The following MYH16 variants were observed in gnomAD, a reference collection of about 807,000 sequenced individuals.
MYH16 encodes the protein myosin heavy chain 16.
At chr7:99,252,312 A>C (rs901908049) in intron 6 of MYH16, 1 of 152,388 alleles carries the variant, frequency 6.6e-6, no homozygotes. Context: ...CGGGCTTCCC[A>C]TTGGCAGAGC....
chr7:99,304,156 T>C (rs1410925045), intron 39 of MYH16, among the ~76,000 whole-genome samples: 1 of 152,176 alleles, frequency 6.6e-6, no homozygotes, highest in Non-Finnish European at 1.5e-5. Flanking sequence ...CGGCCCACGG[T>C]AGACCCTCAT....
intron 16 of MYH16, chr7:99,265,202 G>A (rs1791974611): frequency 6.6e-6 from 1 of 152,616 alleles, no homozygotes; most frequent in Non-Finnish European, 1.5e-5. Context: ...ATGTTGTGGG[G>A]TCACGGCTCC....
At position 99,287,890 on chromosome 7, in the gene MYH16, A is replaced by G. The variant is rs1322024504; in HGVS notation, n.3461-2A>G. ...TGCTAAGCTGCTCCTCCTCTACCCC[A>G]GATCGAGCAGAACCGCAAGCGGGAG... On this transcript the variant is annotated splice_acceptor_variant and non_coding_transcript_variant, in intron 28 of 41. Transcript: ENST00000439784. The G allele has an allele frequency of 2.2e-6, 1 of 455,040 alleles. No homozygotes were observed. Among genetic ancestry groups the G allele is most frequent in the East Asian group, 7.0e-5 (1 of 14,388 alleles). The allele number at this position is 455,040 out of a possible 1,614,324, so 28.2% of individuals were successfully genotyped here.
At chr7:99,266,185 G>A (rs1584345427) in intron 17 of MYH16, among the ~76,000 whole-genome samples, 1 of 152,132 alleles carries the variant, frequency 6.6e-6, no homozygotes, top group Non-Finnish European at 1.5e-5. Flanking sequence ...CTCCCACTGT[G>A]GCTCCCAGTG....
intron 29 of MYH16, 55 bp downstream of exon 10, chr7:99,288,192 C>T: frequency 1.1e-5 from 5 of 444,974 alleles, no homozygotes; most frequent in Non-Finnish European, 2.3e-5. Flanking sequence ...AATCCCAGCA[C>T]TTTGGGAGGC....
chr7:99,269,985 T>C (rs1792028962), intron 18 of MYH16, among the ~76,000 whole-genome samples: 1 of 150,242 alleles, frequency 6.7e-6, no homozygotes, highest in Non-Finnish European at 1.5e-5. Context: ...GCGATTCTCC[T>C]GCCTCAGCCT....
chr7:99,252,303 G>A (rs925668711), intron 6 of MYH16: 6 of 152,400 alleles, frequency 3.9e-5, no homozygotes, highest in East Asian at 3.9e-4. Context: ...CCCGGGTCTC[G>A]GGCTTCCCAT....
intron 2 of MYH16, among the ~76,000 whole-genome samples, chr7:99,246,487 A>T (rs1373726396): frequency 6.6e-6 from 1 of 152,156 alleles, no homozygotes; most frequent in Non-Finnish European, 1.5e-5. Context: ...GGATCCCTTG[A>T]GGTCAGGAGT....
In MYH16 at chr7:99,246,523, G is replaced by A. The variant is rs113001894; in HGVS notation, n.355-1071G>A. On this transcript the variant is annotated intron_variant and non_coding_transcript_variant, in intron 2 of 41. Transcript: ENST00000439784. ...TTGTGACCAGCCTGGCCAATATGGC[G>A]AAACCCCATCTCTACTAAAAATACA... Among the ~76,000 whole-genome samples, 957 of 152,228 alleles carry A rather than the reference G, an allele frequency of 6.3e-3. 13 individuals carry two copies. The highest frequency in any genetic ancestry group is 0.022 in the African/African-American group (920 of 41,534).
chr7:99,284,828 C>G lies in MYH16; in HGVS notation n.3226-17C>G, dbSNP rs1377749229. ...CCCTCAGAGCCTTTCCTCAGGAGAC[C>G]AACCCTTCCCTTGCAGGAGGGATTT... On this transcript the variant is annotated splice_polypyrimidine_tract_variant and intron_variant and non_coding_transcript_variant, in intron 25 of 41. Coordinates refer to ENST00000439784, the Ensembl canonical transcript of MYH16. 1 of 456,478 alleles carries G rather than the reference C, an allele frequency of 2.2e-6. No homozygotes were observed. The highest frequency in any genetic ancestry group is 4.4e-6 in the Non-Finnish European group (1 of 226,956). 28.3% of individuals were successfully genotyped at this position (456,478 alleles called of 1,614,324 possible). A position where few individuals can be genotyped will look rare whatever the true frequency, so the allele number is the denominator to read the frequency against.
At chr7:99,297,263 C>A (rs571844042) in intron 34 of MYH16, among the ~76,000 whole-genome samples, 6 of 151,980 alleles carry the variant, frequency 3.9e-5, no homozygotes, top group Admixed American at 2.0e-4. Flanking sequence ...GAAACCCCGT[C>A]TCTACTAAAA....
intron 4 of MYH16, among the ~76,000 whole-genome samples, chr7:99,249,538 C>CA (rs1222006408): frequency 0.03 from 1,501 of 49,784 alleles, 37 homozygotes; most frequent in African/African-American, 0.078. Flanking sequence ...GACCCTCTCT[C>CA]AAAAAAAAAA....
chr7:99,242,340 T>C (rs1791676410), intron 1 of MYH16, among the ~76,000 whole-genome samples: 1 of 152,112 alleles, frequency 6.6e-6, no homozygotes, highest in Admixed American at 6.6e-5. Context: ...GGGGAATGTC[T>C]TTTTTTCAAG....
At chr7:99,281,774 G>A (rs770846869) in intron 23 of MYH16, among the ~76,000 whole-genome samples, 7 of 152,166 alleles carry the variant, frequency 4.6e-5, no homozygotes, top group Admixed American at 2.0e-4. Context: ...CCACTGTCAC[G>A]GCTAAGGTTC....
chr7:99,262,161 G>A (rs1167450418), intron 13 of MYH16, among the ~76,000 whole-genome samples: 1 of 152,124 alleles, frequency 6.6e-6, no homozygotes, highest in African/African-American at 2.4e-5. Flanking sequence ...ATTAATAGGG[G>A]AGGTGACGTT....
chr7:99,294,267 G>A (rs1057490601), intron 33 of MYH16, 117 bp downstream of exon 14: 4 of 348,426 alleles, frequency 1.1e-5, no homozygotes, highest in Non-Finnish European at 2.3e-5. Flanking sequence ...GGTTCAAGAA[G>A]GTGCAATGCA....
chr7:99,296,830 A>G (rs760030710), exon 34 of MYH16: 5 of 457,062 alleles, frequency 1.1e-5, no homozygotes, highest in South Asian at 6.2e-5. Context: ...CCGCATGTAC[A>G]TGACAGAGAG....
At chr7:99,259,270 C>T (rs772656662) in intron 11 of MYH16, among the ~76,000 whole-genome samples, 6 of 152,070 alleles carry the variant, frequency 3.9e-5, no homozygotes, top group Admixed American at 2.0e-4. Flanking sequence ...TAGAGCATTT[C>T]GAGTGATTTC....
At chr7:99,267,068 C>A (rs929673911) in intron 18 of MYH16, 3 of 152,498 alleles carry the variant, frequency 2.0e-5, no homozygotes, top group Non-Finnish European at 2.9e-5. Context: ...GACCACTGAC[C>A]AATGGCCTAC....
Sources: allele counts gnomAD v4.1 joint callset (sites outside exome capture counted in the v4.1 genomes callset), GRCh38; gene constraint gnomAD v4.1.1; transcripts MANE v1.5; gene names NCBI Gene and HGNC (gene_info 2026-07-23, HGNC 2026-07-21).